Variants in MYRIP observed in about 807,000 individuals in gnomAD.
MYRIP encodes myosin VIIA and Rab interacting protein.
Under a neutral mutation model 98.0 loss-of-function variants are expected in MYRIP, and 49 were observed. The observed-to-expected ratio is 0.50, with a 90% CI of 0.40 to 0.63. MYRIP has a LOEUF of 0.63. MYRIP is among the 30% of genes least tolerant of loss of function. MYRIP has a pLI of 0.00. For missense variants in MYRIP, 1,004 were observed against 1,058.2 expected (o/e 0.95, Z 0.71); for synonymous variants, 404 against 409.5 (o/e 0.99, Z 0.16).
rs551554234 is a variant in MYRIP, at chr3:40,037,564, A to G, written c.111-6486A>G. 1.4e-4 allele frequency among the ~76,000 whole-genome samples: 22 copies of G among 152,146 alleles called. No homozygotes were observed. In the South Asian group the frequency reaches 3.1e-3, roughly 22 times the overall value. On this transcript the variant is annotated intron_variant, in intron 2 of 16. Coordinates refer to ENST00000302541, the MANE Select transcript of MYRIP (RefSeq NM_015460.4). ...TGAGCCACTAAATCTTTCAGGATAC[A>G]TATCCCCCTATAAACTAGTCCTAAA...
chr3:40,188,606 C>T (rs946838481), intron 9 of MYRIP, among the ~76,000 whole-genome samples: 15 of 152,154 alleles, frequency 9.9e-5, no homozygotes, highest in Non-Finnish European at 1.5e-4. Flanking sequence ...GGTTAAACCC[C>T]GCCTCTACTA....
At chr3:39,984,416 C>T (rs939816794) in intron 2 of MYRIP, among the ~76,000 whole-genome samples, 15 of 151,990 alleles carry the variant, frequency 9.9e-5, no homozygotes, top group African/African-American at 3.6e-4. Flanking sequence ...GTGATGTTCC[C>T]CTTCCTGTGT....
At chr3:39,863,835 C>CAAA (rs1553640226) in intron 1 of MYRIP, among the ~76,000 whole-genome samples, 5 of 151,714 alleles carry the variant, frequency 3.3e-5, no homozygotes, top group East Asian at 1.9e-4. Flanking sequence ...CCAGCAGGGA[C>CAAA]ACAACAACAA....
chr3:40,158,436 T>C (rs1950294758), intron 4 of MYRIP, among the ~76,000 whole-genome samples: 1 of 152,152 alleles, frequency 6.6e-6, no homozygotes, highest in Non-Finnish European at 1.5e-5. Context: ...AATTTTGGAA[T>C]AGGTGTGGTG....
At chr3:40,203,493 C>A (rs1328055677) in intron 10 of MYRIP, among the ~76,000 whole-genome samples, 1 of 151,046 alleles carries the variant, frequency 6.6e-6, no homozygotes, top group Non-Finnish European at 1.5e-5. Flanking sequence ...AGATGAAAAC[C>A]AAAATGTAAG....
intron 3 of MYRIP, among the ~76,000 whole-genome samples, chr3:40,086,558 G>A (rs1948631843): frequency 6.6e-6 from 1 of 152,188 alleles, no homozygotes; most frequent in Non-Finnish European, 1.5e-5. Flanking sequence ...CATGCGGTGT[G>A]AGCTGGCTTT....
intron 1 of MYRIP, among the ~76,000 whole-genome samples, chr3:39,863,043 C>A (rs888969001): frequency 9.9e-5 from 15 of 152,016 alleles, no homozygotes; most frequent in African/African-American, 3.6e-4. Flanking sequence ...TAACCCTCCC[C>A]TTGAATGAAT....
At chr3:40,019,508 A>G (rs569696710) in intron 2 of MYRIP, among the ~76,000 whole-genome samples, 4 of 152,190 alleles carry the variant, frequency 2.6e-5, no homozygotes, top group Admixed American at 6.5e-5. Flanking sequence ...TTACATGCCT[A>G]TTGACATGCC....
chr3:40,144,288 G>A (rs926007085), intron 3 of MYRIP, among the ~76,000 whole-genome samples: 14 of 152,280 alleles, frequency 9.2e-5, no homozygotes, highest in African/African-American at 3.4e-4. Context: ...AGCCAGCCCT[G>A]CAGAAAGGGG....
intron 10 of MYRIP, chr3:40,209,369 TG>T (rs1478846291): frequency 6.5e-6 from 1 of 153,288 alleles, no homozygotes; most frequent in African/African-American, 2.4e-5. Context: ...ATGTTTGAAG[TG>T]ATGGATATCT....
chr3:39,914,505 C>CA (rs143297666), intron 2 of MYRIP, among the ~76,000 whole-genome samples: 3 of 151,950 alleles, frequency 2.0e-5, no homozygotes, highest in Admixed American at 1.3e-4. Flanking sequence ...ATAATATAGT[C>CA]AAAAAAAGCT....
At chr3:40,049,295 G>C (rs1257328179) in intron 3 of MYRIP, among the ~76,000 whole-genome samples, 1 of 152,064 alleles carries the variant, frequency 6.6e-6, no homozygotes, top group African/African-American at 2.4e-5. Flanking sequence ...CACTTTTTCC[G>C]ATAGCATAGG....
intron 2 of MYRIP, among the ~76,000 whole-genome samples, chr3:40,039,031 G>T (rs922273838): frequency 2.0e-5 from 3 of 152,160 alleles, no homozygotes; most frequent in Non-Finnish European, 4.4e-5. Flanking sequence ...GTGGCTGAGG[G>T]CTTTAACTGC....
At chr3:40,033,869 CAG>C (rs1296138250) in intron 2 of MYRIP, among the ~76,000 whole-genome samples, 2 of 152,214 alleles carry the variant, frequency 1.3e-5, no homozygotes, top group South Asian at 2.1e-4. Context: ...GGTATCAAAA[CAG>C]AGACATAGAT....
At chr3:39,868,785 G>A (rs1274543255) in intron 1 of MYRIP, among the ~76,000 whole-genome samples, 1 of 152,106 alleles carries the variant, frequency 6.6e-6, no homozygotes, top group Admixed American at 6.6e-5. Context: ...CCTTTACGGA[G>A]CTCTCACACT....
At chr3:40,160,726 C>A (rs577858722) in intron 4 of MYRIP, among the ~76,000 whole-genome samples, 6 of 150,074 alleles carry the variant, frequency 4.0e-5, no homozygotes, top group Non-Finnish European at 8.9e-5. Flanking sequence ...GTCGGAAAAG[C>A]GCAGTATTCG....
At chr3:39,830,900 T>G (rs1941425577) in intron 1 of MYRIP, among the ~76,000 whole-genome samples, 2 of 152,174 alleles carry the variant, frequency 1.3e-5, no homozygotes, top group African/African-American at 4.8e-5. Context: ...CATTCTCTCT[T>G]AAACCCATCC....
chr3:39,879,685 C>T (rs1943110087), intron 1 of MYRIP, among the ~76,000 whole-genome samples: 10 of 152,020 alleles, frequency 6.6e-5, no homozygotes, highest in Admixed American at 6.6e-4. Flanking sequence ...TTATTAAGAC[C>T]CTCTAACTTG....
chr3:40,248,142 T>A (rs1352256197), intron 13 of MYRIP: 1 of 152,298 alleles, frequency 6.6e-6, no homozygotes, highest in Non-Finnish European at 1.5e-5. Context: ...AATTGTGTTC[T>A]TGGTAATATT....
Sources: allele counts gnomAD v4.1 joint callset (sites outside exome capture counted in the v4.1 genomes callset), GRCh38; gene constraint gnomAD v4.1.1; transcripts MANE v1.5; gene names NCBI Gene and HGNC (gene_info 2026-07-23, HGNC 2026-07-21).